SLFN11: variants seen among roughly 807,000 people sequenced by gnomAD.
The protein encoded by SLFN11 is schlafen family member 11.
SLFN11 carries 43 observed loss-of-function variants against 53.4 expected under a neutral mutation model. The observed-to-expected ratio is 0.80, with a 90% CI of 0.63 to 1.04. SLFN11 has a LOEUF of 1.04. Among genes scored for constraint, SLFN11 ranks in the 50% least tolerant of loss-of-function variants. The probability of loss-of-function intolerance (pLI) is 0.00; values close to 1 mark genes in which losing one functional copy is unlikely to be tolerated. For missense variants in SLFN11, 990 were observed against 1,079.1 expected (o/e 0.92, Z 1.16); for synonymous variants, 389 against 394.7 (o/e 0.99, Z 0.17).
At chr17:35,360,861 T>C (rs1908117133) in intron 4 of SLFN11, among the ~76,000 whole-genome samples, 1 of 152,116 alleles carries the variant, frequency 6.6e-6, no homozygotes, top group Admixed American at 6.5e-5. Flanking sequence ...CCTCAGCTAC[T>C]CAAGAGACTG....
intron 5 of SLFN11, among the ~76,000 whole-genome samples, chr17:35,356,797 TACACACACAC>T (rs61566848): frequency 3.4e-4 from 47 of 140,184 alleles, no homozygotes; most frequent in Admixed American, 2.4e-3. Flanking sequence ...ATATGTAGCA[TACACACACAC>T]ACACACACAC....
chr17:35,358,806 T>A (rs1276635549), intron 5 of SLFN11, among the ~76,000 whole-genome samples: 1 of 152,098 alleles, frequency 6.6e-6, no homozygotes, highest in Non-Finnish European at 1.5e-5. Context: ...CCTTTTCCTT[T>A]TCCTTTTTTT....
At chr17:35,361,752 CT>C (rs147751182) in intron 4 of SLFN11, among the ~76,000 whole-genome samples, 13,089 of 148,126 alleles carry the variant, frequency 0.088, 874 homozygotes, top group Non-Finnish European at 0.13. Context: ...ATGCAAAGGG[CT>C]TTTTTTTTTG....
At chr17:35,361,512 G>T (rs1908217143) in intron 4 of SLFN11, among the ~76,000 whole-genome samples, 1 of 151,800 alleles carries the variant, frequency 6.6e-6, no homozygotes, top group Non-Finnish European at 1.5e-5. Context: ...CCCATGCTGG[G>T]GTGCATTGCT....
intron 3 of SLFN11, among the ~76,000 whole-genome samples, chr17:35,365,441 T>C (rs905185077): frequency 1.8e-4 from 24 of 135,814 alleles, no homozygotes; most frequent in Middle Eastern, 3.6e-3. Flanking sequence ...ACAGCCACTA[T>C]ACCCAGCTAA....
At chr17:35,361,814 G>A (rs942446803) in intron 4 of SLFN11, among the ~76,000 whole-genome samples, 9 of 151,612 alleles carry the variant, frequency 5.9e-5, no homozygotes, top group East Asian at 3.9e-4. Flanking sequence ...GTGCAATCTC[G>A]GCTCACTGCA....
rs1349861488 is a variant in SLFN11, at chr17:35,370,225, A to G, written c.-234-2525T>C. On this transcript the variant is annotated intron_variant, in intron 1 of 6. Coordinates refer to ENST00000685675, the MANE Select transcript of SLFN11 (RefSeq NM_001376007.1). ...ACATCATATCAACAGAATGAAGGACAAATGCCATATGATCATTTCAACTGA... is the reference window on the plus strand; with the variant it reads ...ACATCATATCAACAGAATGAAGGACGAATGCCATATGATCATTTCAACTGA... Among the ~76,000 whole-genome samples the G allele has an allele frequency of 3.9e-5, 6 of 152,184 alleles. No individual in the cohort carries two copies. In the East Asian group the frequency reaches 1.2e-3, roughly 29 times the overall value.
chr17:35,356,136 C>A (rs1597703583), intron 5 of SLFN11, among the ~76,000 whole-genome samples: 1 of 152,122 alleles, frequency 6.6e-6, no homozygotes, highest in East Asian at 1.9e-4. Flanking sequence ...GACAAAATTT[C>A]TATTTGAGAC....
chr17:35,363,059 A>T lies in SLFN11; in HGVS notation c.749T>A (p.Val250Glu). ...CAGGACTTCCCTACTCTTATCATCC[A>T]CTCCAATAAAAAGATAGCCTCCTCC... is the stretch of plus-strand genomic sequence containing the variant. Reference protein sequence around the residue: ...NTGGGYLFIGVDDKSREVLGC... With the variant: ...NTGGGYLFIGEDDKSREVLGC... The change falls in exon 4 of 7, where the codon GTG (valine) becomes GAG (glutamate). Residue 250 changes from valine (V) to glutamate (E), a missense_variant. Physicochemically the swap from Val to Glu is moderately radical, Grantham distance 121. Around this residue, in one of 3 missense-constraint regions of SLFN11, gnomAD observed 521 missense variants for 516.2 expected, o/e 1.01. Transcript: ENST00000685675. 6.2e-7 allele frequency: 1 copy of T among 1,613,576 alleles called. No homozygotes were observed. The highest frequency in any genetic ancestry group is 1.3e-5 in the African/African-American group (1 of 74,866).
At chr17:35,370,607 T>G (rs1424234747) in intron 1 of SLFN11, among the ~76,000 whole-genome samples, 1 of 152,004 alleles carries the variant, frequency 6.6e-6, no homozygotes, top group Admixed American at 6.6e-5. Context: ...CTATTAGAAC[T>G]GATAAACAAA....
At chr17:35,366,526 A>G (rs1433659715) in intron 3 of SLFN11, among the ~76,000 whole-genome samples, 3 of 152,142 alleles carry the variant, frequency 2.0e-5, no homozygotes, top group Admixed American at 1.3e-4. Context: ...ATTAAAATAA[A>G]ATAAAATTTA....
Position 35,353,446 on chromosome 17 carries a change from C to G in SLFN11, c.1812G>C (p.Gly604=). The change falls in exon 6 of 7, where the codon GGG becomes GGC. Residue 604 remains glycine, a synonymous_variant. Transcript: ENST00000685675. ...TGATCTTCATGGCCATGATGGTCTT[C>G]CCTGAGCCAGGTAAGCCGTGGACAA... is the stretch of plus-strand genomic sequence containing the variant. The part of the protein sequence containing the change: ...ELFVHGLPGS[G]KTIMAMKIME... The G allele has an allele frequency of 6.2e-7, 1 of 1,603,400 alleles. No individual in the cohort carries two copies.
chr17:35,352,320 T>C lies in SLFN11; in HGVS notation c.*36A>G, dbSNP rs1567813657. The C allele has an allele frequency of 1.9e-6, 3 of 1,605,504 alleles. No individual in the cohort carries two copies. The highest frequency in any genetic ancestry group is 2.6e-6 in the Non-Finnish European group (3 of 1,173,756). ...TCTACCATCAGCAGACTGTCACCCA[T>C]AGACATTTACATAGCATTTTGATTT... is the stretch of plus-strand genomic sequence containing the variant. On this transcript the variant is annotated 3_prime_UTR_variant, in exon 7 of 7. Coordinates refer to ENST00000685675, the MANE Select transcript of SLFN11 (RefSeq NM_001376007.1).
Position 35,363,149 on chromosome 17 carries a change from G to A in SLFN11, c.659C>T (p.Thr220Ile), listed in dbSNP as rs564100410. The A allele has an allele frequency of 6.2e-6, 10 of 1,613,930 alleles. No individual in the cohort carries two copies. The East Asian group carries it at 2.2e-4, about 36-fold the overall frequency. The change falls in exon 4 of 7, where the codon ACA becomes ATA. Residue 220 changes from threonine to isoleucine, a missense_variant. Coordinates refer to ENST00000685675, the MANE Select transcript of SLFN11 (RefSeq NM_001376007.1). Reference sequence around the variant, plus strand: ...TTTTACATATTCTTGGAAGTGTTTTGTAGAGAACTGTTTAAACTCTACTAA... The same window carrying A: ...TTTTACATATTCTTGGAAGTGTTTTATAGAGAACTGTTTAAACTCTACTAA... ...SQLVEFKQFS[T>I]KHFQEYVKRT...
rs141176380 is a variant in SLFN11 at position 35,362,963 on chromosome 17, G to A, written c.845C>T (p.Pro282Leu). 14 of 1,613,544 alleles carry A rather than the reference G, an allele frequency of 8.7e-6. No homozygotes were observed. Among genetic ancestry groups the A allele is most frequent in the Non-Finnish European group, 1.0e-5 (12 of 1,179,846 alleles). ...TTGGGGTTGGCAAAAATGAACACAA[G>A]GTAGTTTGTATATGGCTTGTTCTAT... Reference protein sequence around the residue: ...RKIEQAIYKLPCVHFCQPQRP... With the variant: ...RKIEQAIYKLLCVHFCQPQRP... Residue 282 changes from proline (P) to leucine (L), a missense_variant, in exon 4 of 7, where the codon CCT becomes CTT. Physicochemically the swap from Pro to Leu is moderately conservative, Grantham distance 98. Coordinates refer to ENST00000685675, the MANE Select transcript of SLFN11 (RefSeq NM_001376007.1).
chr17:35,366,323 T>C (rs1908951368), intron 3 of SLFN11, among the ~76,000 whole-genome samples: 1 of 152,032 alleles, frequency 6.6e-6, no homozygotes, highest in Admixed American at 6.5e-5. Context: ...ATAATCAAGA[T>C]TAAGAATTGT....
Position 35,363,342 on chromosome 17 carries a change from T to C in SLFN11, c.466A>G (p.Arg156Gly), listed in dbSNP as rs1350833472. ...REAFCFLKTK[R>G]KPKILEEGPF... is the part of the protein sequence containing the mutation. ...CCTTCTTCCAAGATTTTTGGCTTCC[T>C]TTTGGTCTTCAGGAAACAGAATGCC... The change falls in exon 4 of 7, where the codon AGG becomes GGG. Residue 156 changes from arginine (R) to glycine (G), a missense_variant. Coordinates refer to ENST00000685675, the MANE Select transcript of SLFN11 (RefSeq NM_001376007.1). The C allele has an allele frequency of 3.1e-5, 50 of 1,613,928 alleles. No homozygotes were observed. The highest frequency in any genetic ancestry group is 4.2e-5 in the Non-Finnish European group (49 of 1,179,992).
chr17:35,362,663 C>T, intron 4 of SLFN11, 76 bp downstream of exon 4: 1 of 1,199,384 alleles, frequency 8.3e-7, no homozygotes, highest in South Asian at 1.7e-5. Context: ...AAGTCATAGG[C>T]AGCAAAGGAA....
chr17:35,365,703 C>T (rs1448308395), intron 3 of SLFN11, among the ~76,000 whole-genome samples: 1 of 152,084 alleles, frequency 6.6e-6, no homozygotes, highest in African/African-American at 2.4e-5. Context: ...AAGATTAATA[C>T]AGCAGACAAA....
Sources: allele counts gnomAD v4.1 joint callset (sites outside exome capture counted in the v4.1 genomes callset), GRCh38; gene constraint gnomAD v4.1.1; regional missense constraint gnomAD v4.1.1; transcripts MANE v1.5; gene names NCBI Gene and HGNC (gene_info 2026-07-23, HGNC 2026-07-21).